Variants in PIEZO2 observed in about 807,000 individuals in gnomAD.
PIEZO2 encodes piezo type mechanosensitive ion channel component 2.
PIEZO2 carries 172 observed loss-of-function variants against 337.3 expected under a neutral mutation model. That is an observed-to-expected ratio of 0.51 (90% CI 0.45 to 0.58). The LOEUF (loss-of-function observed/expected upper bound fraction) is 0.58. Ranked by LOEUF, PIEZO2 falls within the 20% of genes least tolerant of loss-of-function variation. The pLI is 0.00. For missense variants in PIEZO2, 3,028 were observed against 3,391.3 expected, an observed-to-expected ratio of 0.89 and a Z score of 2.66; for synonymous variants, 1,251 against 1,228.5, an observed-to-expected ratio of 1.02 and a Z score of -0.38.
At chr18:10,818,897 G>A (rs2040441175) in intron 7 of PIEZO2, among the ~76,000 whole-genome samples, 1 of 151,982 alleles carries the variant, frequency 6.6e-6, no homozygotes, top group Non-Finnish European at 1.5e-5. Context: ...CCGAATTATT[G>A]GCTTCATTTT....
At chr18:11,086,967 G>C (rs1227166858) in intron 1 of PIEZO2, among the ~76,000 whole-genome samples, 1 of 152,170 alleles carries the variant, frequency 6.6e-6, no homozygotes, top group Non-Finnish European at 1.5e-5. Context: ...CTGAATGTTT[G>C]TGTCCCCCCA....
intron 21 of PIEZO2, among the ~76,000 whole-genome samples, chr18:10,764,367 T>A (rs8088701): frequency 0.78 from 118,674 of 152,072 alleles, 46,388 homozygotes; most frequent in East Asian, 0.88. Context: ...AGAGGCCGGG[T>A]GAGGTGGCTC....
rs1448983282 is a variant in PIEZO2, at chr18:11,143,627, A to ACTCTCTCT, written c.64+4897_64+4898insAGAGAGAG. ...CACACACACACACACACACACACAC[A>ACTCTCTCT]CACACACACACACTCTCTCTCTCTC... On this transcript the variant is annotated intron_variant, in intron 1 of 55. Coordinates refer to ENST00000674853, the MANE Select transcript of PIEZO2 (RefSeq NM_001378183.1). The surrounding 1 kb of genome is among the most constrained non-coding windows in gnomAD (Gnocchi z 4.9). Among the ~76,000 whole-genome samples, 13 of 107,930 alleles carry ACTCTCTCT rather than the reference A, an allele frequency of 1.2e-4. No individual in the cohort carries two copies. Among genetic ancestry groups the ACTCTCTCT allele is most frequent in the East Asian group, 3.0e-4 (1 of 3,328 alleles). 70.8% of individuals were successfully genotyped at this position (107,930 alleles called of 152,430 possible).
At chr18:11,055,630 T>C (rs989848321) in intron 2 of PIEZO2, among the ~76,000 whole-genome samples, 8 of 152,214 alleles carry the variant, frequency 5.3e-5, no homozygotes, top group African/African-American at 1.9e-4. Context: ...ACTATTTGTG[T>C]AGTAATTTTA....
chr18:10,994,652 C>T (rs2035239743), intron 2 of PIEZO2, among the ~76,000 whole-genome samples: 2 of 150,598 alleles, frequency 1.3e-5, no homozygotes, highest in African/African-American at 4.9e-5. Flanking sequence ...TCGTGATCTA[C>T]CCGCCTCAGC....
Position 10,954,803 on chromosome 18 carries a change from G to A in PIEZO2, c.286+24732C>T, listed in dbSNP as rs1857810875. Among the ~76,000 whole-genome samples the A allele has an allele frequency of 1.3e-5, 2 of 152,230 alleles. No homozygotes were observed. Among genetic ancestry groups the A allele is most frequent in the African/African-American group, 4.8e-5 (2 of 41,450 alleles). ...GAAGCATCTGACGCTAAAGAGAACA[G>A]AGAACTCAGAATGCAAGGCCTTCTT... On this transcript the variant is annotated intron_variant, in intron 3 of 55. Transcript: ENST00000674853. The surrounding 1 kb of genome is among the most constrained non-coding windows in gnomAD (Gnocchi z 4.2).
chr18:10,742,670 G>T, intron 31 of PIEZO2, 55 bp from the exon 32 acceptor site: 1 of 1,521,586 alleles, frequency 6.6e-7, no homozygotes, highest in Non-Finnish European at 8.8e-7. Flanking sequence ...GTTCTCATGT[G>T]GTCAGTACTT....
rs1035282582 is a variant in PIEZO2, at chr18:10,767,529, G to T, written c.2946+2619C>A. Among the ~76,000 whole-genome samples the T allele has an allele frequency of 2.0e-5, 3 of 151,926 alleles. No individual in the cohort carries two copies. Among genetic ancestry groups the T allele is most frequent in the African/African-American group, 7.3e-5 (3 of 41,364 alleles). The stretch of plus-strand genomic sequence containing the variant: ...CAGGTGGGGATGCAGGGAGGAGAAC[G>T]TCCTCTGCGCGCAGCCCGAGTGAGG... On this transcript the variant is annotated intron_variant, in intron 21 of 55. Transcript: ENST00000674853. The surrounding 1 kb of genome is among the most constrained non-coding windows in gnomAD (Gnocchi z 4.2).
intron 36 of PIEZO2, among the ~76,000 whole-genome samples, chr18:10,722,209 G>C (rs2036342556): frequency 6.7e-6 from 1 of 149,172 alleles, no homozygotes; most frequent in Non-Finnish European, 1.5e-5. Context: ...GGAAACATCT[G>C]CATCATATTT....
intron 2 of PIEZO2, among the ~76,000 whole-genome samples, chr18:11,019,381 A>G (rs1009925107): frequency 2.1e-4 from 32 of 152,204 alleles, no homozygotes; most frequent in Non-Finnish European, 3.5e-4. Context: ...CCTGGATATC[A>G]GTTCATCCCC....
In PIEZO2 at chr18:10,903,630, A is replaced by C. The variant is rs2145021199; in HGVS notation, c.329+7556T>G. On this transcript the variant is annotated intron_variant, in intron 4 of 55. Coordinates refer to ENST00000674853, the MANE Select transcript of PIEZO2 (RefSeq NM_001378183.1). This position sits in a 1 kb window ranked among gnomAD's most constrained non-coding sequence, Gnocchi z 4.1. ...AGAGCTTGCAGTGAGCCGAGATCAC[A>C]CCACTGCACTCCAGCCTGGGCGACA... 6.6e-6 allele frequency among the ~76,000 whole-genome samples: 1 copy of C among 151,978 alleles called. No homozygotes were observed. Among genetic ancestry groups the C allele is most frequent in the African/African-American group, 2.4e-5 (1 of 41,448 alleles).
chr18:10,846,783 T>C lies in PIEZO2; in HGVS notation c.917+8570A>G, dbSNP rs888618250. 6.6e-6 allele frequency among the ~76,000 whole-genome samples: 1 copy of C among 152,048 alleles called. No homozygotes were observed. On this transcript the variant is annotated intron_variant, in intron 7 of 55. Transcript: ENST00000674853. This position sits in a 1 kb window ranked among gnomAD's most constrained non-coding sequence, Gnocchi z 4.1. ...GGTTTAAGGGACAAACAGGAGCCAG[T>C]GAGAGCAGTGAGCAGGAGATTTCCA...
chr18:11,126,170 G>A lies in PIEZO2; in HGVS notation c.64+22355C>T, dbSNP rs1020029135. 1.3e-5 allele frequency among the ~76,000 whole-genome samples: 2 copies of A among 152,196 alleles called. No homozygotes were observed. Among genetic ancestry groups the A allele is most frequent in the African/African-American group, 4.8e-5 (2 of 41,448 alleles). Reference sequence around the variant, plus strand: ...CATATGCTCCCCCGCATAGAGACTGGTTGCTTTGGTTTAAAGTCTCCACCT... The same window carrying A: ...CATATGCTCCCCCGCATAGAGACTGATTGCTTTGGTTTAAAGTCTCCACCT... On this transcript the variant is annotated intron_variant, in intron 1 of 55. Transcript: ENST00000674853. This position sits in a 1 kb window ranked among gnomAD's most constrained non-coding sequence, Gnocchi z 4.6.
At chr18:10,883,276 T>A (rs942202445) in intron 4 of PIEZO2, among the ~76,000 whole-genome samples, 1 of 152,204 alleles carries the variant, frequency 6.6e-6, no homozygotes, top group African/African-American at 2.4e-5. Flanking sequence ...CTCTTGGGTA[T>A]ATATACCCAG....
intron 9 of PIEZO2, among the ~76,000 whole-genome samples, chr18:10,803,060 T>C (rs1359099069): frequency 2.0e-5 from 3 of 152,126 alleles, no homozygotes; most frequent in African/African-American, 7.2e-5. Flanking sequence ...CAGTGTAGTC[T>C]TGAATGTCAG....
In PIEZO2 at chr18:10,748,464, G is replaced by T; in HGVS notation, c.4424+7C>A. ...GAGAAACCACCTGATTTCATGGCCT[G>T]ACCCACCTTGATGCCAGAATCTGGG... On this transcript the variant is annotated splice_region_variant and intron_variant, in intron 30 of 55. Transcript: ENST00000674853. The surrounding 1 kb of genome is among the most constrained non-coding windows in gnomAD (Gnocchi z 5.1). 1.3e-6 allele frequency: 2 copies of T among 1,536,742 alleles called. No homozygotes were observed. Among genetic ancestry groups the T allele is most frequent in the South Asian group, 2.4e-5 (2 of 83,954 alleles).
chr18:10,836,266 T>C (rs2041010833), intron 7 of PIEZO2, among the ~76,000 whole-genome samples: 1 of 152,174 alleles, frequency 6.6e-6, no homozygotes, highest in African/African-American at 2.4e-5. Flanking sequence ...GTGAGTAGAC[T>C]CCTGTCTAAG....
chr18:11,019,777 G>A (rs1231952427), intron 2 of PIEZO2, among the ~76,000 whole-genome samples: 1 of 152,180 alleles, frequency 6.6e-6, no homozygotes, highest in Non-Finnish European at 1.5e-5. Flanking sequence ...TTACAAAGCA[G>A]AAGGCAACTG....
chr18:10,724,974 G>A lies in PIEZO2; in HGVS notation c.5029+6433C>T. On this transcript the variant is annotated intron_variant, in intron 36 of 55. Transcript: ENST00000674853. This position sits in a 1 kb window ranked among gnomAD's most constrained non-coding sequence, Gnocchi z 5.8. The stretch of plus-strand genomic sequence containing the variant: ...GCACCCTGCGGCCTGCAGCCTCCCT[G>A]CCTCACATTACTAAGACTCAAAGCG... 3 of 1,584,630 alleles carry A rather than the reference G, an allele frequency of 1.9e-6. No homozygotes were observed. The highest frequency in any genetic ancestry group is 2.6e-6 in the Non-Finnish European group (3 of 1,159,122).
Sources: allele counts gnomAD v4.1 joint callset (sites outside exome capture counted in the v4.1 genomes callset), GRCh38; gene constraint gnomAD v4.1.1; non-coding constraint Gnocchi (gnomAD v3.1); transcripts MANE v1.5; gene names NCBI Gene and HGNC (gene_info 2026-07-23, HGNC 2026-07-21).